SUMF1: variants seen among roughly 807,000 people sequenced by gnomAD.
SUMF1 encodes the protein formylglycine-generating enzyme.
Under a neutral mutation model 47.6 loss-of-function variants are expected in SUMF1, and 48 were observed. That is an observed-to-expected ratio of 1.01 (90% CI 0.80 to 1.28). SUMF1 has a LOEUF of 1.28. Ranked by LOEUF, SUMF1 falls within the 50% of genes most tolerant of loss-of-function variation. SUMF1 has a pLI of 0.00. For synonymous variants in SUMF1, 230 were observed against 192.1 expected, an observed-to-expected ratio of 1.20 and a Z score of -1.63; for missense variants, 571 against 485.4, an observed-to-expected ratio of 1.18 and a Z score of -1.66.
intron 8 of SUMF1, among the ~76,000 whole-genome samples, chr3:4,246,040 C>CT (rs2125002882): frequency 6.6e-6 from 1 of 152,316 alleles, no homozygotes; most frequent in Admixed American, 6.5e-5. Context: ...GCGAGCAAGG[C>CT]TCCGTGGGTG....
At chr3:4,326,701 A>G (rs532731197) in intron 8 of SUMF1, among the ~76,000 whole-genome samples, 1 of 151,922 alleles carries the variant, frequency 6.6e-6, no homozygotes, top group South Asian at 2.1e-4. Context: ...TTGTATTTTT[A>G]GTAGAGATGT....
intron 7 of SUMF1, among the ~76,000 whole-genome samples, chr3:4,382,298 A>G (rs1203397426): frequency 6.6e-6 from 1 of 151,698 alleles, no homozygotes; most frequent in African/African-American, 2.4e-5. Flanking sequence ...CCTATGAAGT[A>G]TTTTTAATTA....
chr3:4,052,173 C>T (rs1222764867), intron 9 of SUMF1, among the ~76,000 whole-genome samples: 3 of 152,086 alleles, frequency 2.0e-5, no homozygotes, highest in Non-Finnish European at 2.9e-5. Flanking sequence ...TCCAAGGTCA[C>T]AGATGGCACC....
intron 8 of SUMF1, among the ~76,000 whole-genome samples, chr3:4,180,267 C>A (rs1190134571): frequency 6.6e-6 from 1 of 152,138 alleles, no homozygotes; most frequent in Non-Finnish European, 1.5e-5. Flanking sequence ...CGGCACTATT[C>A]ACAATAGCAA....
At chr3:4,404,488 T>G (rs1311899975) in intron 7 of SUMF1, among the ~76,000 whole-genome samples, 1 of 91,026 alleles carries the variant, frequency 1.1e-5, no homozygotes, top group Non-Finnish European at 3.4e-5. Flanking sequence ...CCAGGTGCAG[T>G]GGCTCATGCC....
chr3:4,165,909 T>A (rs760359267), intron 8 of SUMF1, among the ~76,000 whole-genome samples: 2 of 140,794 alleles, frequency 1.4e-5, no homozygotes, highest in African/African-American at 2.6e-5. Flanking sequence ...TGGACCCTGC[T>A]GATCAGAATA....
intron 8 of SUMF1, among the ~76,000 whole-genome samples, chr3:4,193,314 C>A (rs1388647474): frequency 6.6e-6 from 1 of 152,208 alleles, no homozygotes; most frequent in East Asian, 1.9e-4. Flanking sequence ...TTTAGCTAGT[C>A]CTGATTGATG....
intron 9 of SUMF1, among the ~76,000 whole-genome samples, chr3:4,054,385 T>C (rs937853799): frequency 4.6e-5 from 7 of 152,060 alleles, no homozygotes; most frequent in African/African-American, 1.4e-4. Context: ...AAATTAAAAA[T>C]AAAAATGAAA....
chr3:4,155,104 A>G (rs1694423269), intron 8 of SUMF1, among the ~76,000 whole-genome samples: 1 of 151,530 alleles, frequency 6.6e-6, no homozygotes, highest in Non-Finnish European at 1.5e-5. Context: ...GGGACCTATC[A>G]TCTTGTTGAG....
chr3:4,247,055 A>C (rs1442981803), intron 8 of SUMF1, among the ~76,000 whole-genome samples: 2 of 152,142 alleles, frequency 1.3e-5, no homozygotes, highest in Non-Finnish European at 2.9e-5. Flanking sequence ...TTTCAGTATT[A>C]ATTTCTACCC....
chr3:4,228,992 A>C (rs1406976980), intron 8 of SUMF1, among the ~76,000 whole-genome samples: 1 of 152,158 alleles, frequency 6.6e-6, no homozygotes, highest in African/African-American at 2.4e-5. Context: ...CCAAATGCCA[A>C]AGTGTGTGCC....
chr3:4,320,256 T>TG (rs1267390776), intron 8 of SUMF1, among the ~76,000 whole-genome samples: 47 of 152,136 alleles, frequency 3.1e-4, no homozygotes, highest in Non-Finnish European at 5.7e-4. Flanking sequence ...GGGTGAAAGG[T>TG]GCTGATCTAA....
intron 3 of SUMF1, among the ~76,000 whole-genome samples, chr3:4,433,658 GGT>G (rs1702306105): frequency 6.6e-6 from 1 of 152,214 alleles, no homozygotes; most frequent in Non-Finnish European, 1.5e-5. Flanking sequence ...GGTCATACCA[GGT>G]CTGAGCCCTG....
chr3:4,214,917 CA>C (rs1165926665), intron 8 of SUMF1, among the ~76,000 whole-genome samples: 1 of 151,912 alleles, frequency 6.6e-6, no homozygotes, highest in Non-Finnish European at 1.5e-5. Context: ...GCCCACCAAC[CA>C]AAAAAAGTTC....
rs765828678 is a variant in SUMF1, at chr3:4,420,093, T to C, written c.573A>G (p.Pro191=). ...GCAGAATAGTAGAGTCAGGCCCTTCTGGGTGTCTCCAGTTAGCGCCTTTCA... is the reference window on the plus strand; with the variant it reads ...GCAGAATAGTAGAGTCAGGCCCTTCCGGGTGTCTCCAGTTAGCGCCTTTCA... ...LPVKGANWRH[P]EGPDSTILHR... The change falls in exon 4 of 9, where the codon CCA becomes CCG. Residue 191 remains proline (P), a synonymous_variant. Coordinates refer to ENST00000272902, the MANE Select transcript of SUMF1 (RefSeq NM_182760.4). 2 of 1,614,186 alleles carry C rather than the reference T, an allele frequency of 1.2e-6. No individual in the cohort carries two copies. The highest frequency in any genetic ancestry group is 2.2e-5 in the South Asian group (2 of 91,082).
intron 8 of SUMF1, among the ~76,000 whole-genome samples, chr3:4,251,135 T>C (rs1026060012): frequency 3.3e-5 from 5 of 152,116 alleles, no homozygotes; most frequent in Non-Finnish European, 7.4e-5. Flanking sequence ...TCATGATGCA[T>C]GGAAGTCAAA....
intron 7 of SUMF1, among the ~76,000 whole-genome samples, chr3:4,389,970 T>C (rs1700803089): frequency 6.6e-6 from 1 of 152,234 alleles, no homozygotes; most frequent in East Asian, 1.9e-4. Context: ...TGTGGGCATC[T>C]GCTATCTACT....
At chr3:4,194,716 C>G (rs1192488650) in intron 8 of SUMF1, among the ~76,000 whole-genome samples, 1 of 152,148 alleles carries the variant, frequency 6.6e-6, no homozygotes, top group Non-Finnish European at 1.5e-5. Context: ...CTCTTGTTAT[C>G]ATCATTACCA....
chr3:4,036,012 T>G (rs1391483907), intron 9 of SUMF1, among the ~76,000 whole-genome samples: 1 of 152,164 alleles, frequency 6.6e-6, no homozygotes, highest in East Asian at 1.9e-4. Context: ...CTGGAGTTTT[T>G]TTAATCTGAT....
Sources: allele counts gnomAD v4.1 joint callset (sites outside exome capture counted in the v4.1 genomes callset), GRCh38; gene constraint gnomAD v4.1.1; transcripts MANE v1.5; gene names NCBI Gene and HGNC (gene_info 2026-07-23, HGNC 2026-07-21).